TGFBR3: variants seen among roughly 807,000 people sequenced by gnomAD.
TGFBR3 encodes transforming growth factor beta receptor 3.
In TGFBR3, 46 loss-of-function variants were observed where a neutral mutation model predicts 87.9. The observed-to-expected ratio is 0.52, with a 90% CI of 0.41 to 0.67. The LOEUF is 0.67. TGFBR3 is among the 30% of genes least tolerant of loss of function. The probability of loss-of-function intolerance (pLI) is 0.00; values close to 1 mark genes in which losing one functional copy is unlikely to be tolerated. For synonymous variants in TGFBR3, 381 were observed against 391.6 expected (o/e 0.97, Z 0.32); for missense variants, 866 against 1,041.9 (o/e 0.83, Z 2.32).
chr1:91,833,596 C>T (rs1676945198), intron 2 of TGFBR3, among the ~76,000 whole-genome samples: 1 of 150,976 alleles, frequency 6.6e-6, no homozygotes, highest in Admixed American at 6.6e-5. Context: ...GGTGAAACCC[C>T]ACATCTACTA....
intron 3 of TGFBR3, among the ~76,000 whole-genome samples, chr1:91,794,205 CT>C (rs35802375): frequency 1.4e-5 from 2 of 148,058 alleles, no homozygotes; most frequent in Admixed American, 6.7e-5. Context: ...TCTCCTCCAC[CT>C]TTTTTTTTTG....
At position 91,778,176 on chromosome 1, in the gene TGFBR3, C is replaced by A. The variant is rs868814014; in HGVS notation, c.246+19111G>T. Among the ~76,000 whole-genome samples, 922 of 145,100 alleles carry A rather than the reference C, an allele frequency of 6.4e-3. 14 individuals carry two copies. Among genetic ancestry groups the A allele is most frequent in the African/African-American group, 0.022 (848 of 39,314 alleles). ...ATCTAGGTTAAAAAAAAAAAAAAAA[C>A]ACACATAAGAAGACATGAGACACCC... On this transcript the variant is annotated intron_variant, in intron 3 of 16. Coordinates refer to ENST00000212355, the MANE Select transcript of TGFBR3 (RefSeq NM_003243.5).
At chr1:91,871,694 G>A in intron 1 of TGFBR3, among the ~76,000 whole-genome samples, 1 of 152,132 alleles carries the variant, frequency 6.6e-6, no homozygotes, top group East Asian at 1.9e-4. Context: ...CCAGGCAGTG[G>A]GAATAGTGAG....
intron 5 of TGFBR3, among the ~76,000 whole-genome samples, chr1:91,731,538 A>C (rs1234089406): frequency 6.6e-6 from 1 of 152,246 alleles, no homozygotes; most frequent in Non-Finnish European, 1.5e-5. Flanking sequence ...CCAGATGAGC[A>C]AATGAGGTAT....
chr1:91,732,659 C>T (rs189645288), intron 5 of TGFBR3, among the ~76,000 whole-genome samples: 71 of 152,336 alleles, frequency 4.7e-4, no homozygotes, highest in East Asian at 1.9e-4. Flanking sequence ...CCTTTCCCTA[C>T]TGCTCCTCTC....
chr1:91,735,434 C>T (rs527718947), intron 4 of TGFBR3, among the ~76,000 whole-genome samples: 49 of 152,326 alleles, frequency 3.2e-4, no homozygotes, highest in Middle Eastern at 3.4e-3. Flanking sequence ...ACAGAGTCAT[C>T]ACAATAGGGA....
chr1:91,874,258 G>A (rs1678698217), intron 1 of TGFBR3, among the ~76,000 whole-genome samples: 1 of 152,194 alleles, frequency 6.6e-6, no homozygotes, highest in African/African-American at 2.4e-5. Flanking sequence ...GAATTCTGTA[G>A]CTATTTGGGG....
At chr1:91,889,550 T>A (rs1679402862), upstream of TGFBR3, among the ~76,000 whole-genome samples, 1 of 152,160 alleles carries the variant, frequency 6.6e-6, no homozygotes, top group Non-Finnish European at 1.5e-5. Context: ...TCTTTAAATC[T>A]TTACAATATG....
chr1:91,749,316 A>G (rs1673456193), intron 4 of TGFBR3, among the ~76,000 whole-genome samples: 1 of 152,152 alleles, frequency 6.6e-6, no homozygotes, highest in South Asian at 2.1e-4. Context: ...TTCCAGGTAT[A>G]CACTGTGTCA....
chr1:91,708,702 T>C lies in TGFBR3; in HGVS notation c.2248A>G (p.Lys750Glu). 1 of 1,614,064 alleles carries C rather than the reference T, an allele frequency of 6.2e-7. No homozygotes were observed. The highest frequency in any genetic ancestry group is 8.5e-7 in the Non-Finnish European group (1 of 1,179,950). The change falls in exon 14 of 17, where the codon AAG (lysine) becomes GAG (glutamate). Residue 750 changes from lysine (K) to glutamate (E), a missense_variant. Lys to Glu is a moderately conservative substitution (Grantham distance 56). Coordinates refer to ENST00000212355, the MANE Select transcript of TGFBR3 (RefSeq NM_003243.5). ...AMMQNKKTFT[K>E]PLAVIHHEAE... ...TCATGGTGGATCACAGCAAGGGGCTTAGTGAACGTCTTCTTATTCTGCATC... is the reference window on the plus strand; with the variant it reads ...TCATGGTGGATCACAGCAAGGGGCTCAGTGAACGTCTTCTTATTCTGCATC...
At chr1:91,721,621 A>G (rs1672370605) in intron 8 of TGFBR3, among the ~76,000 whole-genome samples, 1 of 152,174 alleles carries the variant, frequency 6.6e-6, no homozygotes, top group Admixed American at 6.5e-5. Flanking sequence ...GCCTTTTACC[A>G]TGAACTTCTT....
chr1:91,759,155 TCC>T (rs1449553793), intron 3 of TGFBR3, among the ~76,000 whole-genome samples: 4 of 152,074 alleles, frequency 2.6e-5, no homozygotes, highest in Non-Finnish European at 2.9e-5. Flanking sequence ...GGTGGGGTCA[TCC>T]CTCTGGATCT....
chr1:91,900,224 C>T (rs1291539054), intron 1 of TGFBR3, among the ~76,000 whole-genome samples: 1 of 152,100 alleles, frequency 6.6e-6, no homozygotes, highest in Non-Finnish European at 1.5e-5. Flanking sequence ...AGAGATTCTC[C>T]CACCTCAGCC....
At chr1:91,855,935 C>T (rs1035572513) in intron 2 of TGFBR3, among the ~76,000 whole-genome samples, 1 of 151,396 alleles carries the variant, frequency 6.6e-6, no homozygotes, top group Non-Finnish European at 1.5e-5. Context: ...AAGTAAATCA[C>T]CTAAGCTAAT....
At chr1:91,726,681 C>G (rs531317421) in intron 7 of TGFBR3, among the ~76,000 whole-genome samples, 1 of 151,050 alleles carries the variant, frequency 6.6e-6, no homozygotes, top group African/African-American at 2.4e-5. Context: ...ATGGAAGGTG[C>G]CATGAATGAA....
At chr1:91,748,708 T>A (rs1673431001) in intron 4 of TGFBR3, among the ~76,000 whole-genome samples, 1 of 144,758 alleles carries the variant, frequency 6.9e-6, no homozygotes, top group African/African-American at 2.6e-5. Context: ...GGTCCCCATT[T>A]ACCATTCTGG....
intron 8 of TGFBR3, 33 bp downstream of exon 8, chr1:91,721,921 AT>A (rs941822321): frequency 1.9e-6 from 3 of 1,597,256 alleles, no homozygotes; most frequent in Non-Finnish European, 2.6e-6. Flanking sequence ...TTTGGGGGGT[AT>A]TTTTTACATA....
At chr1:91,843,649 A>G (rs2101122755) in intron 2 of TGFBR3, among the ~76,000 whole-genome samples, 1 of 152,314 alleles carries the variant, frequency 6.6e-6, no homozygotes, top group East Asian at 1.9e-4. Flanking sequence ...CAAGAACACA[A>G]CTGAGACAGG....
chr1:91,904,631 C>A (rs1174189077), intron 1 of TGFBR3, among the ~76,000 whole-genome samples: 1 of 147,728 alleles, frequency 6.8e-6, no homozygotes, highest in Admixed American at 7.0e-5. Context: ...GTGGTGCAAT[C>A]TCGGCTCACT....
Sources: gnomAD v4.1 joint callset for allele counts (sites outside exome capture counted in the v4.1 genomes callset) on GRCh38, gnomAD v4.1.1 for gene constraint, MANE v1.5 for transcripts, NCBI Gene and HGNC (gene_info 2026-07-23, HGNC 2026-07-21) for gene names.